Variants in DOCK8 observed in about 807,000 individuals in gnomAD.
DOCK8 encodes dedicator of cytokinesis protein 8.
A neutral mutation model predicts 245.6 loss-of-function variants in DOCK8; 141 were observed. The observed-to-expected ratio is 0.57, with a 90% confidence interval of 0.50 to 0.66. The LOEUF is 0.66. Ranked by LOEUF, DOCK8 falls within the 30% of genes least tolerant of loss-of-function variation. The probability of loss-of-function intolerance (pLI) is 0.00; values close to 1 mark genes in which losing one functional copy is unlikely to be tolerated. For synonymous variants in DOCK8, 1,168 were observed against 970.2 expected, an observed-to-expected ratio of 1.20 and a Z score of -3.79; for missense variants, 2,965 against 2,603.4, an observed-to-expected ratio of 1.14 and a Z score of -3.02.
Position 422,140 on chromosome 9 carries a change from G to A in DOCK8, c.4241+5G>A. 1 of 1,613,720 alleles carries A rather than the reference G, an allele frequency of 6.2e-7. No homozygotes were observed. The highest frequency in any genetic ancestry group is 8.5e-7 in the Non-Finnish European group (1 of 1,179,688). Reference sequence around the variant, plus strand: ...AGCTAATGAGAAGCTAGATAAGTGAGTCACTCGGCAACTTTCTGCTACTTT... The same window carrying A: ...AGCTAATGAGAAGCTAGATAAGTGAATCACTCGGCAACTTTCTGCTACTTT... On this transcript the variant is annotated splice_donor_5th_base_variant and intron_variant, in intron 33 of 47. Transcript: ENST00000432829.
intron 4 of DOCK8, among the ~76,000 whole-genome samples, chr9:292,371 G>C (rs2049078265): frequency 1.1e-5 from 1 of 88,608 alleles, no homozygotes; most frequent in African/African-American, 4.5e-5. Flanking sequence ...TGGGCAACAA[G>C]AGTGAAACTC....
At chr9:254,994 G>A (rs1002952967) in intron 1 of DOCK8, among the ~76,000 whole-genome samples, 1 of 152,116 alleles carries the variant, frequency 6.6e-6, no homozygotes, top group Admixed American at 6.6e-5. Flanking sequence ...TAAAGTTTGA[G>A]GGTCACCACT....
chr9:403,436 T>G (rs1167495414), intron 26 of DOCK8, among the ~76,000 whole-genome samples: 23 of 152,228 alleles, frequency 1.5e-4, no homozygotes, highest in Non-Finnish European at 1.5e-5. Flanking sequence ...GTAACTGTGC[T>G]TACATAGAAG....
At chr9:276,216 C>T (rs552254711) in intron 2 of DOCK8, among the ~76,000 whole-genome samples, 25 of 152,230 alleles carry the variant, frequency 1.6e-4, no homozygotes, top group African/African-American at 5.8e-4. Flanking sequence ...TAAAGGTAGA[C>T]GTATTCCAAA....
intron 14 of DOCK8, among the ~76,000 whole-genome samples, chr9:362,531 A>C (rs549527264): frequency 2.0e-5 from 3 of 152,302 alleles, no homozygotes; most frequent in Admixed American, 2.0e-4. Flanking sequence ...ACCAGTTGAC[A>C]CTGGAGCTCA....
At chr9:375,750 ATTTTGGG>A (rs1449037475) in intron 18 of DOCK8, among the ~76,000 whole-genome samples, 1 of 152,180 alleles carries the variant, frequency 6.6e-6, no homozygotes, top group African/African-American at 2.4e-5. Flanking sequence ...TAATCCCAAC[ATTTTGGG>A]AGGCTGAAGT....
At chr9:334,078 T>A (rs2051188205) in intron 10 of DOCK8, 147 bp from the exon 11 acceptor site, 1 of 858,468 alleles carries the variant, frequency 1.2e-6, no homozygotes, top group African/African-American at 1.7e-5. Flanking sequence ...GCCTATTCAC[T>A]GTTTTTATTT....
Position 446,352 on chromosome 9 carries a change from G to T in DOCK8, c.5581-18G>T, listed in dbSNP as rs10814952. On this transcript the variant is annotated intron_variant, in intron 43 of 47. Coordinates refer to ENST00000432829, the MANE Select transcript of DOCK8 (RefSeq NM_203447.4). ...GCAGAATAGCTCATCTTCTCCCTCC[G>T]TGCCTTTTCCCCCTTAGGCCTACAT... 1.1e-5 allele frequency: 18 copies of T among 1,606,334 alleles called. No homozygotes were observed. The highest frequency in any genetic ancestry group is 1.5e-5 in the Non-Finnish European group (18 of 1,173,216).
chr9:228,580 T>G (rs958481066), intron 1 of DOCK8, among the ~76,000 whole-genome samples: 3 of 152,172 alleles, frequency 2.0e-5, no homozygotes, highest in Admixed American at 2.0e-4. Flanking sequence ...CCCAACATTT[T>G]TCAGGGGAGC....
At chr9:371,371 C>T (rs936428780) in intron 16 of DOCK8, 57 bp from the exon 17 acceptor site, 5 of 1,606,378 alleles carry the variant, frequency 3.1e-6, no homozygotes, top group South Asian at 1.1e-5. Context: ...GTTTTACAAT[C>T]AGAGAAGTCA....
In DOCK8 at chr9:271,622, C is replaced by T; in HGVS notation, c.54-5C>T. 1.3e-6 allele frequency: 2 copies of T among 1,533,324 alleles called. No homozygotes were observed. The highest frequency in any genetic ancestry group is 1.8e-6 in the Non-Finnish European group (2 of 1,130,912). The allele number at this position is 1,533,324 out of a possible 1,614,324, so 95.0% of individuals were successfully genotyped here. A position where few individuals can be genotyped will look rare whatever the true frequency, so the allele number is the denominator to read the frequency against. On this transcript the variant is annotated splice_region_variant and splice_polypyrimidine_tract_variant and intron_variant, in intron 1 of 47. Transcript: ENST00000432829. ...TTCATTTAGATTTTTCTATTTTAAT[C>T]CAAGGTATTCTTCAGCGGAAATAAG...
chr9:303,086 G>C (rs977963707), intron 4 of DOCK8, among the ~76,000 whole-genome samples: 3 of 151,870 alleles, frequency 2.0e-5, no homozygotes, highest in African/African-American at 7.3e-5. Flanking sequence ...CTTGAGCCTA[G>C]GAATTCAAGG....
chr9:437,380 T>A (rs888518394), intron 39 of DOCK8, among the ~76,000 whole-genome samples: 2 of 152,208 alleles, frequency 1.3e-5, no homozygotes, highest in Non-Finnish European at 2.9e-5. Flanking sequence ...GCCTCCTTTC[T>A]AGCAGTTGCA....
intron 6 of DOCK8, chr9:312,768 G>T: frequency 3.1e-6 from 1 of 317,580 alleles, no homozygotes; most frequent in Non-Finnish European, 6.0e-6. Context: ...AGGCACTTTG[G>T]ATGAAATGAG....
rs2057262707 is a variant in DOCK8 at position 446,428 on chromosome 9, G to A, written c.5639G>A (p.Arg1880Lys). ...TTTGATGAGTATGAGATGAAAGACA[G>A]GGTCACATACTTTGAGAAGAATTTC... The part of the protein sequence containing the change: ...PYFDEYEMKD[R>K]VTYFEKNFNL... The change falls in exon 44 of 48, where the codon AGG becomes AAG. Residue 1880 changes from arginine to lysine, a missense_variant. Around this residue, in one of 3 missense-constraint regions of DOCK8, gnomAD observed 2,825 missense variants for 2,453.5 expected, o/e 1.15. Coordinates refer to ENST00000432829, the MANE Select transcript of DOCK8 (RefSeq NM_203447.4). 6.2e-7 allele frequency: 1 copy of A among 1,614,188 alleles called. No individual in the cohort carries two copies. The highest frequency in any genetic ancestry group is 8.5e-7 in the Non-Finnish European group (1 of 1,180,040).
At chr9:390,941 C>T (rs56673629) in intron 24 of DOCK8, among the ~76,000 whole-genome samples, 4 of 152,170 alleles carry the variant, frequency 2.6e-5, no homozygotes, top group Non-Finnish European at 2.9e-5. Flanking sequence ...AAAAACCGAT[C>T]GATGATTTTC....
At chr9:463,251 C>T (rs972733888) in intron 46 of DOCK8, among the ~76,000 whole-genome samples, 13 of 144,086 alleles carry the variant, frequency 9.0e-5, no homozygotes, top group Non-Finnish European at 1.7e-4. Flanking sequence ...GAGTGAGCCC[C>T]GTCTCAAAAA....
intron 1 of DOCK8, among the ~76,000 whole-genome samples, chr9:251,761 C>T (rs1179160700): frequency 6.6e-6 from 1 of 152,108 alleles, no homozygotes; most frequent in African/African-American, 2.4e-5. Context: ...GGCTAACGAT[C>T]AGACAGAAAG....
intron 1 of DOCK8, among the ~76,000 whole-genome samples, chr9:230,677 T>G (rs868301399): frequency 6.7e-6 from 1 of 148,380 alleles, no homozygotes; most frequent in Non-Finnish European, 1.5e-5. Flanking sequence ...TTTCATGTGT[T>G]TTTTGGCTGC....
Sources: gnomAD v4.1 joint callset for allele counts (sites outside exome capture counted in the v4.1 genomes callset) on GRCh38, gnomAD v4.1.1 for gene constraint, gnomAD v4.1.1 regional missense constraint, MANE v1.5 for transcripts, NCBI Gene and HGNC (gene_info 2026-07-23, HGNC 2026-07-21) for gene names.